The following MARCHF1 variants were observed in gnomAD, a reference collection of about 807,000 sequenced individuals.
MARCHF1 encodes membrane associated ring-CH-type finger 1.
MARCHF1 carries 40 observed loss-of-function variants against 54.2 expected under a neutral mutation model. That is an observed-to-expected ratio of 0.74 (90% CI 0.57 to 0.96). The LOEUF (loss-of-function observed/expected upper bound fraction) is 0.96. Among genes scored for constraint, MARCHF1 ranks in the 40% least tolerant of loss-of-function variants. MARCHF1 has a pLI of 0.00. For synonymous variants in MARCHF1, 236 were observed against 236.3 expected, an observed-to-expected ratio of 1.00 and a Z score of 0.01; for missense variants, 586 against 656.5, an observed-to-expected ratio of 0.89 and a Z score of 1.17.
intron 1 of MARCHF1, among the ~76,000 whole-genome samples, chr4:164,282,495 C>A (rs781769648): frequency 6.6e-6 from 1 of 150,780 alleles, no homozygotes; most frequent in African/African-American, 2.4e-5. Flanking sequence ...ATCCACCGTT[C>A]CAATAAATTT....
In MARCHF1 at chr4:163,889,219, CACTGTATT is replaced by C. The variant is rs956668613; in HGVS notation, c.-38-35058_-38-35051del. On this transcript the variant is annotated intron_variant, in intron 3 of 9. Transcript: ENST00000514618. ...TACAGAGTCCTCACTATGCGCCAGG[CACTGTATT>C]AGGTACTTTGTTAAGTATCAGACCA... Among the ~76,000 whole-genome samples, 6 of 152,158 alleles carry C rather than the reference CACTGTATT, an allele frequency of 3.9e-5. 1 individual carries two copies. The highest frequency in any genetic ancestry group is 2.6e-4 in the Admixed American group (4 of 15,274).
chr4:163,568,531 T>G (rs981779794), intron 8 of MARCHF1, among the ~76,000 whole-genome samples: 3 of 152,126 alleles, frequency 2.0e-5, no homozygotes, highest in Non-Finnish European at 2.9e-5. Flanking sequence ...TTGAGCTTAG[T>G]CTTTTTCAAA....
intron 9 of MARCHF1, among the ~76,000 whole-genome samples, chr4:163,540,858 C>T (rs754040108): frequency 6.6e-6 from 1 of 152,042 alleles, no homozygotes; most frequent in Admixed American, 6.5e-5. Context: ...CTTGTCCCTA[C>T]AAAAAATTAG....
intron 5 of MARCHF1, among the ~76,000 whole-genome samples, chr4:163,638,775 A>G (rs935366516): frequency 6.6e-6 from 1 of 152,200 alleles, no homozygotes. Flanking sequence ...TTGTCCATCG[A>G]TGGATGAATG....
At chr4:164,383,660 C>G (rs62350505) in intron 1 of MARCHF1, 6,133 of 152,654 alleles carry the variant, frequency 0.04, 192 homozygotes, top group South Asian at 0.075. Context: ...GCGAGCCCGC[C>G]GCCCGCAGGT....
chr4:163,612,834 G>A lies in MARCHF1; in HGVS notation c.447C>T (p.Ser149=). Residue 149 remains serine (S), a synonymous_variant, in exon 7 of 10, where the codon AGC becomes AGT. Transcript: ENST00000514618. ...RKNDFHLQIS[S]PRWRELYTDS... The stretch of plus-strand genomic sequence containing the variant: ...CTGTGTAAAGCTCCCTCCACCTGGG[G>A]CTTGAGATTTGAAGGTGAAAGTCAT... 1.3e-6 allele frequency: 2 copies of A among 1,535,216 alleles called. No homozygotes were observed. Among genetic ancestry groups the A allele is most frequent in the South Asian group, 1.2e-5 (1 of 83,984 alleles).
At chr4:164,133,334 C>T (rs71616617) in intron 1 of MARCHF1, among the ~76,000 whole-genome samples, 6,878 of 152,212 alleles carry the variant, frequency 0.045, 211 homozygotes, top group Middle Eastern at 0.14. Flanking sequence ...ATTATTACTG[C>T]GCAATGAATC....
intron 2 of MARCHF1, among the ~76,000 whole-genome samples, chr4:164,030,181 T>G (rs1753848695): frequency 6.6e-6 from 1 of 151,958 alleles, no homozygotes. Context: ...GATAAGAATA[T>G]AATTTTAATA....
chr4:163,709,632 G>C (rs1745048738), intron 4 of MARCHF1, among the ~76,000 whole-genome samples: 1 of 152,126 alleles, frequency 6.6e-6, no homozygotes, highest in Non-Finnish European at 1.5e-5. Context: ...TATTCTCCAA[G>C]ATGATACAGG....
chr4:164,176,924 ATC>A (rs1274331831), intron 1 of MARCHF1, among the ~76,000 whole-genome samples: 2 of 135,654 alleles, frequency 1.5e-5, no homozygotes, highest in Non-Finnish European at 3.2e-5. Flanking sequence ...TTTGTTATTT[ATC>A]TGAGTACCTT....
At chr4:163,825,963 G>A (rs1005443995) in intron 4 of MARCHF1, among the ~76,000 whole-genome samples, 1 of 151,958 alleles carries the variant, frequency 6.6e-6, no homozygotes, top group Admixed American at 6.6e-5. Context: ...GAGCAGAGGA[G>A]TAAATTGGCT....
At chr4:163,795,983 A>G (rs1747902326) in intron 4 of MARCHF1, among the ~76,000 whole-genome samples, 3 of 152,212 alleles carry the variant, frequency 2.0e-5, no homozygotes, top group Admixed American at 2.0e-4. Context: ...GAATACATTT[A>G]CTATTCATTA....
At chr4:164,274,348 T>A (rs891456033) in intron 1 of MARCHF1, among the ~76,000 whole-genome samples, 10 of 152,164 alleles carry the variant, frequency 6.6e-5, no homozygotes, top group Non-Finnish European at 1.3e-4. Flanking sequence ...AATATCTATA[T>A]CAAAAATGGC....
chr4:163,982,507 C>T (rs994521191), intron 3 of MARCHF1, among the ~76,000 whole-genome samples: 2 of 152,212 alleles, frequency 1.3e-5, no homozygotes, highest in African/African-American at 2.4e-5. Flanking sequence ...TGCAACTGCC[C>T]TTTGGCAAAA....
intron 2 of MARCHF1, among the ~76,000 whole-genome samples, chr4:164,094,076 T>C (rs1755359823): frequency 6.6e-6 from 1 of 152,120 alleles, no homozygotes; most frequent in South Asian, 2.1e-4. Context: ...ATATGTAACA[T>C]AGAAAGCTTT....
chr4:164,336,455 C>T (rs997980887), intron 1 of MARCHF1, among the ~76,000 whole-genome samples: 1 of 152,192 alleles, frequency 6.6e-6, no homozygotes, highest in Non-Finnish European at 1.5e-5. Flanking sequence ...AAATCAGTTT[C>T]TTTGCTCCAT....
At chr4:164,258,165 G>A (rs185139934) in intron 1 of MARCHF1, among the ~76,000 whole-genome samples, 2 of 152,076 alleles carry the variant, frequency 1.3e-5, no homozygotes, top group East Asian at 1.9e-4. Flanking sequence ...ACCAAACCCC[G>A]CATGTTCTCA....
chr4:164,099,442 A>T (rs1230960069), intron 2 of MARCHF1, among the ~76,000 whole-genome samples: 7 of 152,182 alleles, frequency 4.6e-5, no homozygotes, highest in Admixed American at 4.6e-4. Context: ...CATTATATTT[A>T]TAAAGACCTC....
intron 1 of MARCHF1, among the ~76,000 whole-genome samples, chr4:164,361,324 C>T (rs1040372693): frequency 6.6e-6 from 1 of 152,072 alleles, no homozygotes; most frequent in African/African-American, 2.4e-5. Context: ...ATTCGAAGCT[C>T]AAATTAAATT....
Sources: gnomAD v4.1 joint callset for allele counts (sites outside exome capture counted in the v4.1 genomes callset) on GRCh38, gnomAD v4.1.1 for gene constraint, MANE v1.5 for transcripts, NCBI Gene and HGNC (gene_info 2026-07-23, HGNC 2026-07-21) for gene names.